ENTREP3: variants seen among roughly 807,000 people sequenced by gnomAD.
ENTREP3 encodes the protein endosomal transmembrane epsin interactor 3, also known as protein ENTREP3.
the ENTREP3 span, chr1:155,247,911 G>A: frequency 6.3e-7 from 1 of 1,592,794 alleles, no homozygotes; most frequent in Non-Finnish European, 8.5e-7. Context: ...AGCTGCGAAG[G>A]TGGAGGCTCT....
chr1:155,254,481 C>T, the ENTREP3 span: 2 of 1,613,940 alleles, frequency 1.2e-6, no homozygotes, highest in East Asian at 4.5e-5. The surrounding 1 kb of genome is among the most constrained non-coding windows in gnomAD (Gnocchi z 4.4). Context: ...GGCACAGGCT[C>T]AGCCTGGCAG....
the ENTREP3 span, chr1:155,250,229 C>A: frequency 6.7e-7 from 1 of 1,498,938 alleles, no homozygotes; most frequent in South Asian, 1.3e-5. The surrounding 1 kb of genome is among the most constrained non-coding windows in gnomAD (Gnocchi z 5.4). Context: ...ACCTAACTCC[C>A]AGTGCCTACC....
At chr1:155,254,048 G>A in the ENTREP3 span, 11 of 1,613,650 alleles carry the variant, frequency 6.8e-6, no homozygotes, top group Non-Finnish European at 9.3e-6. The surrounding 1 kb of genome is among the most constrained non-coding windows in gnomAD (Gnocchi z 4.4). Flanking sequence ...ACCTCCCCCA[G>A]CCAGTTCTTT....
At chr1:155,248,304 C>T in the ENTREP3 span, 1 of 1,607,858 alleles carries the variant, frequency 6.2e-7, no homozygotes, top group Non-Finnish European at 8.5e-7. Flanking sequence ...GAGCAGAGCC[C>T]TGCAGAGAGA....
chr1:155,250,693 G>A, the ENTREP3 span: 2 of 1,612,780 alleles, frequency 1.2e-6, no homozygotes, highest in Non-Finnish European at 1.7e-6. This position sits in a 1 kb window ranked among gnomAD's most constrained non-coding sequence, Gnocchi z 5.4. Context: ...TGGATGGAGC[G>A]AAAGAGAACG....
the ENTREP3 span, chr1:155,250,755 G>A: frequency 3.1e-6 from 5 of 1,612,362 alleles, no homozygotes; most frequent in Non-Finnish European, 4.2e-6. This position sits in a 1 kb window ranked among gnomAD's most constrained non-coding sequence, Gnocchi z 5.4. Flanking sequence ...CGAGTCCTCC[G>A]ACGGGCTAGA....
the ENTREP3 span, chr1:155,253,952 G>C: frequency 6.2e-7 from 1 of 1,612,846 alleles, no homozygotes. Context: ...GGGGAACAGA[G>C]GGACAGCACA....
At chr1:155,253,915 G>T in the ENTREP3 span, 3 of 1,612,668 alleles carry the variant, frequency 1.9e-6, no homozygotes, top group South Asian at 1.1e-5. Flanking sequence ...TTCAGTTCCT[G>T]CCCCGACTCT....
At chr1:155,254,633 C>A in the ENTREP3 span, 2 of 1,604,478 alleles carry the variant, frequency 1.2e-6, no homozygotes, top group Non-Finnish European at 1.7e-6. The surrounding 1 kb of genome is among the most constrained non-coding windows in gnomAD (Gnocchi z 4.4). Context: ...CCCCACCCAA[C>A]AACTGTGCAC....
chr1:155,247,405 C>T, the ENTREP3 span: 4 of 518,908 alleles, frequency 7.7e-6, no homozygotes, highest in African/African-American at 7.6e-5. Flanking sequence ...CTTACCACCC[C>T]ATTGCATAGG....
At chr1:155,252,250 T>A in the ENTREP3 span, among the ~76,000 whole-genome samples, 1 of 151,644 alleles carries the variant, frequency 6.6e-6, no homozygotes, top group Non-Finnish European at 1.5e-5. Flanking sequence ...GTTGCTGGAG[T>A]GCAGTGGCGC....
chr1:155,254,654 G>T, the ENTREP3 span: 1 of 1,606,954 alleles, frequency 6.2e-7, no homozygotes. The surrounding 1 kb of genome is among the most constrained non-coding windows in gnomAD (Gnocchi z 4.4). Flanking sequence ...CCAACTCACC[G>T]AGAACCCAGC....
the ENTREP3 span, chr1:155,251,227 G>T: frequency 1.5e-6 from 2 of 1,305,458 alleles, no homozygotes; most frequent in African/African-American, 3.0e-5. Context: ...GTGCTAGACA[G>T]AGCTCTGGAG....
the ENTREP3 span, chr1:155,250,616 G>A: frequency 1.2e-6 from 2 of 1,609,616 alleles, no homozygotes; most frequent in African/African-American, 1.3e-5. This position sits in a 1 kb window ranked among gnomAD's most constrained non-coding sequence, Gnocchi z 5.4. Flanking sequence ...GCCGTGGCAG[G>A]GGGCTTTCCT....
the ENTREP3 span, chr1:155,250,207 G>A: frequency 7.3e-7 from 1 of 1,367,916 alleles, no homozygotes; most frequent in Non-Finnish European, 9.8e-7. The surrounding 1 kb of genome is among the most constrained non-coding windows in gnomAD (Gnocchi z 5.4). Flanking sequence ...ATCCTGGTGG[G>A]CATCACTGGC....
At chr1:155,255,243 A>T in the ENTREP3 span, 2 of 344,072 alleles carry the variant, frequency 5.8e-6, no homozygotes, top group African/African-American at 2.1e-5. The surrounding 1 kb of genome is among the most constrained non-coding windows in gnomAD (Gnocchi z 5.6). Context: ...AGGGGTGGGG[A>T]GGGTAAAAGC....
chr1:155,248,498 CAG>C, the ENTREP3 span: 24 of 1,607,922 alleles, frequency 1.5e-5, no homozygotes, highest in East Asian at 5.4e-4. Context: ...GAAAGGGAGA[CAG>C]GGAGTGAGTG....
the ENTREP3 span, chr1:155,254,886 C>T: frequency 1.5e-5 from 24 of 1,551,286 alleles, no homozygotes; most frequent in Non-Finnish European, 1.7e-5. The surrounding 1 kb of genome is among the most constrained non-coding windows in gnomAD (Gnocchi z 4.4). Context: ...ATGCCTGCTG[C>T]CCGGTTGCCT....
chr1:155,254,898 C>A, the ENTREP3 span: 5 of 1,537,384 alleles, frequency 3.3e-6, no homozygotes, highest in Non-Finnish European at 4.4e-6. The surrounding 1 kb of genome is among the most constrained non-coding windows in gnomAD (Gnocchi z 4.4). Flanking sequence ...CGGTTGCCTG[C>A]GCCTCGCTCG....
Sources: gnomAD v4.1 joint callset for allele counts (sites outside exome capture counted in the v4.1 genomes callset) on GRCh38, gnomAD v4.1.1 for gene constraint, Gnocchi (gnomAD v3.1) non-coding constraint, MANE v1.5 for transcripts, NCBI Gene and HGNC (gene_info 2026-07-23, HGNC 2026-07-21) for gene names.